Variants in TTBK2 observed in about 807,000 individuals in gnomAD.
TTBK2 encodes tau tubulin kinase 2.
In TTBK2, 28 loss-of-function variants were observed where a neutral mutation model predicts 110.8. The ratio of observed to expected loss-of-function variants is 0.25; its 90% CI spans 0.19 to 0.35. The LOEUF (loss-of-function observed/expected upper bound fraction) is 0.35. Among genes scored for constraint, TTBK2 ranks in the 10% least tolerant of loss-of-function variants. TTBK2 has a pLI of 1.00. For missense variants in TTBK2, 1,369 were observed against 1,500.3 expected (o/e 0.91, Z 1.45); for synonymous variants, 532 against 527.3 (o/e 1.01, Z -0.12).
chr15:42,802,831 T>C (rs1440515818), intron 9 of TTBK2, among the ~76,000 whole-genome samples: 1 of 152,202 alleles, frequency 6.6e-6, no homozygotes, highest in Non-Finnish European at 1.5e-5. Context: ...TTTGAATCAG[T>C]GGGCTGGGGA....
chr15:42,761,852 T>G (rs2062032697), intron 13 of TTBK2, among the ~76,000 whole-genome samples: 1 of 152,194 alleles, frequency 6.6e-6, no homozygotes, highest in Non-Finnish European at 1.5e-5. Context: ...TTTGTGGGTG[T>G]AACGGTTTGG....
At chr15:42,772,133 A>G (rs1889705315) in intron 13 of TTBK2, among the ~76,000 whole-genome samples, 1 of 151,980 alleles carries the variant, frequency 6.6e-6, no homozygotes, top group Non-Finnish European at 1.5e-5. Context: ...CTTTGTGACT[A>G]ATAGAATATG....
intron 8 of TTBK2, 116 bp from the exon 9 acceptor site, chr15:42,810,855 A>C: frequency 8.2e-7 from 1 of 1,221,088 alleles, no homozygotes; most frequent in Non-Finnish European, 1.2e-6. Context: ...TGGGTAATTA[A>C]GCATAAAGCA....
intron 11 of TTBK2, among the ~76,000 whole-genome samples, chr15:42,780,740 C>T (rs888393935): frequency 1.3e-5 from 2 of 152,004 alleles, no homozygotes; most frequent in Non-Finnish European, 2.9e-5. Flanking sequence ...CTGAGGCGGA[C>T]AAATCACCTC....
chr15:42,801,253 T>A lies in TTBK2; in HGVS notation c.823-6452A>T, dbSNP rs1236238812. The A allele has an allele frequency of 1.9e-6, 3 of 1,542,934 alleles. No homozygotes were observed. In the South Asian group the frequency reaches 3.5e-5, roughly 18 times the overall value. ...TCCAACAGCTTCCTGTAGGTGGCGA[T>A]CTTGATATCCAGGGCCAGCTTGACG... On this transcript the variant is annotated intron_variant, in intron 9 of 14. Transcript: ENST00000267890.
intron 1 of TTBK2, among the ~76,000 whole-genome samples, chr15:42,912,315 T>C (rs1012191966): frequency 6.6e-6 from 1 of 152,194 alleles, no homozygotes; most frequent in Non-Finnish European, 1.5e-5. Flanking sequence ...ACCATCACTA[T>C]TATCTCTCAG....
chr15:42,804,165 C>T (rs1891351156), intron 9 of TTBK2, among the ~76,000 whole-genome samples: 2 of 152,002 alleles, frequency 1.3e-5, no homozygotes, highest in African/African-American at 4.8e-5. Context: ...TTAACAATGG[C>T]CAGTTGCCAT....
chr15:42,845,996 G>A (rs142843503), intron 3 of TTBK2, among the ~76,000 whole-genome samples: 42 of 152,022 alleles, frequency 2.8e-4, no homozygotes, highest in African/African-American at 9.6e-4. Flanking sequence ...TAGGACCACC[G>A]TCTGTCACTG....
intron 1 of TTBK2, among the ~76,000 whole-genome samples, chr15:42,907,288 A>G (rs1184576984): frequency 6.6e-6 from 1 of 152,200 alleles, no homozygotes; most frequent in East Asian, 1.9e-4. Flanking sequence ...AAAAAAACTA[A>G]AAATAGAACT....
At chr15:42,893,068 T>C (rs1304402567) in intron 1 of TTBK2, among the ~76,000 whole-genome samples, 5 of 151,324 alleles carry the variant, frequency 3.3e-5, no homozygotes, top group Non-Finnish European at 4.4e-5. Context: ...CAATGCCTGT[T>C]CCAAATAAGC....
At chr15:42,784,957 T>A (rs1474823945) in intron 10 of TTBK2, among the ~76,000 whole-genome samples, 1 of 152,126 alleles carries the variant, frequency 6.6e-6, no homozygotes, top group East Asian at 1.9e-4. Context: ...CCAAGTACTT[T>A]CTCCCTGGCC....
At chr15:42,852,681 TAATGAGTA>T (rs1298149292) in intron 3 of TTBK2, among the ~76,000 whole-genome samples, 1 of 152,080 alleles carries the variant, frequency 6.6e-6, no homozygotes, top group Non-Finnish European at 1.5e-5. Flanking sequence ...GAAAGCAGAG[TAATGAGTA>T]AACGAATCCT....
intron 2 of TTBK2, among the ~76,000 whole-genome samples, chr15:42,875,824 T>C (rs1444838402): frequency 6.8e-6 from 1 of 147,864 alleles, no homozygotes; most frequent in Non-Finnish European, 1.5e-5. Flanking sequence ...GAGAGTCGCT[T>C]GAACCCGGGA....
At chr15:42,780,578 G>T (rs1217330692) in intron 11 of TTBK2, among the ~76,000 whole-genome samples, 1 of 151,836 alleles carries the variant, frequency 6.6e-6, no homozygotes, top group Admixed American at 6.6e-5. Context: ...GAAAACAGAA[G>T]ATGAAAAATA....
chr15:42,831,589 C>T (rs1892763542), intron 4 of TTBK2, among the ~76,000 whole-genome samples: 1 of 152,148 alleles, frequency 6.6e-6, no homozygotes. Flanking sequence ...AACTGAGGTT[C>T]AAAGAGGTTA....
Position 42,803,238 on chromosome 15 carries a change from T to C in TTBK2, c.822+7376A>G, listed in dbSNP as rs1043958716. 2.6e-5 allele frequency among the ~76,000 whole-genome samples: 4 copies of C among 152,348 alleles called. No homozygotes were observed. The East Asian group carries it at 7.7e-4, about 29-fold the overall frequency. ...TATAGCCTATTGCTACTAGGCTACC[T>C]ATCTGTGTAGCGTGTTATTGTACTG... On this transcript the variant is annotated intron_variant, in intron 9 of 14. Coordinates refer to ENST00000267890, the MANE Select transcript of TTBK2 (RefSeq NM_173500.4).
At chr15:42,817,186 A>G (rs1254364000) in intron 6 of TTBK2, 89 bp from the exon 7 acceptor site, 3 of 1,036,070 alleles carry the variant, frequency 2.9e-6, no homozygotes, top group African/African-American at 1.6e-5. Flanking sequence ...TGGAAGAAAC[A>G]CGTCCTTTAT....
At chr15:42,858,061 C>G (rs1365193274) in intron 3 of TTBK2, among the ~76,000 whole-genome samples, 1 of 151,652 alleles carries the variant, frequency 6.6e-6, no homozygotes, top group Non-Finnish European at 1.5e-5. Context: ...AGAGCAAGAC[C>G]TTGTCTCAAA....
intron 10 of TTBK2, among the ~76,000 whole-genome samples, chr15:42,792,187 G>A (rs1890718528): frequency 6.6e-6 from 1 of 152,158 alleles, no homozygotes; most frequent in Non-Finnish European, 1.5e-5. Context: ...TAGGTAGAAG[G>A]TTTGAAATGT....
Sources: allele counts gnomAD v4.1 joint callset (sites outside exome capture counted in the v4.1 genomes callset), GRCh38; gene constraint gnomAD v4.1.1; transcripts MANE v1.5; gene names NCBI Gene and HGNC (gene_info 2026-07-23, HGNC 2026-07-21).